Variants in THY1 observed in about 807,000 individuals in gnomAD.
THY1 encodes Thy-1 cell surface antigen, also known as thy-1 membrane glycoprotein.
In THY1, 10 loss-of-function variants were observed where a neutral mutation model predicts 14.9. The ratio of observed to expected loss-of-function variants is 0.67; its 90% confidence interval spans 0.41 to 1.14. The LOEUF is 1.14. Among genes scored for constraint, THY1 ranks in the 50% most tolerant of loss-of-function variants. The probability of loss-of-function intolerance (pLI) is 0.00; values close to 1 mark genes in which losing one functional copy is unlikely to be tolerated. For missense variants in THY1, 159 were observed against 202.1 expected, an observed-to-expected ratio of 0.79 and a Z score of 1.29; for synonymous variants, 80 against 90.0, an observed-to-expected ratio of 0.89 and a Z score of 0.63.
rs1323124885 is a variant in THY1 at position 119,416,353 on chromosome 11, A to G, written c.*3055T>C. Among the ~76,000 whole-genome samples, 2 of 152,214 alleles carry G rather than the reference A, an allele frequency of 1.3e-5. No individual in the cohort carries two copies. Among genetic ancestry groups the G allele is most frequent in the Non-Finnish European group, 2.9e-5 (2 of 68,026 alleles). Reference sequence around the variant, plus strand: ...TCTATAATTACCTGAGTCACCACAGATACCCCACAGCCTCCACAAGGCCTG... The same window carrying G: ...TCTATAATTACCTGAGTCACCACAGGTACCCCACAGCCTCCACAAGGCCTG... On this transcript the variant is annotated 3_prime_UTR_variant, in exon 4 of 4. Coordinates refer to ENST00000284240, the MANE Select transcript of THY1 (RefSeq NM_006288.5).
Position 119,420,148 on chromosome 11 carries a change from G to A in THY1, c.276C>T (p.Ser92=), listed in dbSNP as rs569830486. Residue 92 remains serine, a synonymous_variant, in exon 3 of 4, where the codon TCC becomes TCT. Coordinates refer to ENST00000284240, the MANE Select transcript of THY1 (RefSeq NM_006288.5). ...SKYNMKVLYL[S]AFTSKDEGTY... ...TGCCCTCGTCCTTGCTAGTGAAGGC[G>A]GATAAGTAGAGGACCTTCATGTTGT... The A allele has an allele frequency of 2.1e-5, 34 of 1,614,226 alleles. No homozygotes were observed. Among genetic ancestry groups the A allele is most frequent in the South Asian group, 5.5e-5 (5 of 91,078 alleles).
chr11:119,419,164 C>T lies in THY1; in HGVS notation c.*244G>A. 2 of 532,290 alleles carry T rather than the reference C, an allele frequency of 3.8e-6. No individual in the cohort carries two copies. The highest frequency in any genetic ancestry group is 4.0e-5 in the South Asian group (2 of 50,502). 33.0% of individuals were successfully genotyped at this position (532,290 alleles called of 1,614,324 possible). On this transcript the variant is annotated 3_prime_UTR_variant, in exon 4 of 4. Coordinates refer to ENST00000284240, the MANE Select transcript of THY1 (RefSeq NM_006288.5). ...AAAGGAAGGATAAAACCTAAATAAA[C>T]CAGACAGAAGCAGCTCTGGAACAAA...
upstream of THY1, chr11:119,423,865 A>G (rs1201315393): frequency 2.0e-5 from 3 of 152,802 alleles, no homozygotes; most frequent in Admixed American, 2.0e-4. Context: ...TGGTCCAGAC[A>G]GCTGGAAGGT....
At chr11:119,419,575 T>C in intron 3 of THY1, 55 bp from the exon 4 acceptor site, 1 of 1,459,032 alleles carries the variant, frequency 6.9e-7, no homozygotes, top group Non-Finnish European at 9.6e-7. Context: ...GGATCAGGAC[T>C]CAGGCAGGCA....
upstream of THY1, chr11:119,423,554 T>G (rs192105717): frequency 4.4e-6 from 1 of 227,248 alleles, no homozygotes; most frequent in African/African-American, 2.4e-5. Context: ...AGGTGCAGGA[T>G]GCAGGCCGGG....
At chr11:119,424,140 G>A (rs185404547), upstream of THY1, 28 of 152,476 alleles carry the variant, frequency 1.8e-4, no homozygotes, top group African/African-American at 6.5e-4. Context: ...GGAGAAGAGA[G>A]AGAGGAACTC....
upstream of THY1, among the ~76,000 whole-genome samples, chr11:119,424,286 TTCTC>T (rs1861976210): frequency 1.3e-5 from 2 of 152,220 alleles, no homozygotes. Flanking sequence ...GCTGATGACT[TTCTC>T]TCACTCACAG....
Position 119,420,294 on chromosome 11 carries a change from T to C in THY1, c.130A>G (p.Ser44Gly), listed in dbSNP as rs766110018. 2 of 1,614,246 alleles carry C rather than the reference T, an allele frequency of 1.2e-6. No individual in the cohort carries two copies. Among genetic ancestry groups the C allele is most frequent in the South Asian group, 2.2e-5 (2 of 91,088 alleles). The change falls in exon 3 of 4, where the codon AGC becomes GGC. Residue 44 changes from serine to glycine, a missense_variant. Ser to Gly is a moderately conservative substitution (Grantham distance 56). Coordinates refer to ENST00000284240, the MANE Select transcript of THY1 (RefSeq NM_006288.5). ...AACTCGTACTGGATGGGTGAACTGC[T>C]GGTATTCTCATGGCGGCAGTCCAGA... is the stretch of plus-strand genomic sequence containing the variant. Reference protein sequence around the residue: ...LRLDCRHENTSSSPIQYEFSL... With the variant: ...LRLDCRHENTGSSPIQYEFSL...
rs887272693 is a variant in THY1 at position 119,422,984 on chromosome 11, T to A, written c.-25+129A>T. Reference sequence around the variant, plus strand: ...CGCCCCTGCCTGGAAAGCAGGCCCCTCCCTAAGCTCTGCGCCCTTCTTCCC... The same window carrying A: ...CGCCCCTGCCTGGAAAGCAGGCCCCACCCTAAGCTCTGCGCCCTTCTTCCC... On this transcript the variant is annotated intron_variant, in intron 1 of 3. Coordinates refer to ENST00000284240, the MANE Select transcript of THY1 (RefSeq NM_006288.5). The surrounding 1 kb of genome is among the most constrained non-coding windows in gnomAD (Gnocchi z 7.0). 3 of 450,150 alleles carry A rather than the reference T, an allele frequency of 6.7e-6. No homozygotes were observed. The highest frequency in any genetic ancestry group is 6.1e-5 in the African/African-American group (3 of 49,558). 27.9% of individuals were successfully genotyped at this position (450,150 alleles called of 1,614,324 possible).
At position 119,420,219 on chromosome 11, in the gene THY1, C is replaced by A. The variant is rs1861870879; in HGVS notation, c.205G>T (p.Val69Leu). ...CGGGAGCGGTATGTGTGCTCAGGCA[C>A]CCCCACAGTGCCAAAGAGCACGTGC... ...KKHVLFGTVGVPEHTYRSRTN... is the reference protein window; with the variant it reads ...KKHVLFGTVGLPEHTYRSRTN... Residue 69 changes from valine to leucine, a missense_variant, in exon 3 of 4, where the codon GTG becomes TTG. Physicochemically the swap from Val to Leu is conservative, Grantham distance 32. Transcript: ENST00000284240. 1 of 1,614,122 alleles carries A rather than the reference C, an allele frequency of 6.2e-7. No individual in the cohort carries two copies. Among genetic ancestry groups the A allele is most frequent in the Non-Finnish European group, 8.5e-7 (1 of 1,180,056 alleles).
Position 119,422,092 on chromosome 11 carries a change from G to C in THY1, c.-25+1021C>G, listed in dbSNP as rs1415630083. The C allele has an allele frequency of 6.6e-6, 1 of 152,326 alleles. No homozygotes were observed. Among genetic ancestry groups the C allele is most frequent in the African/African-American group, 2.4e-5 (1 of 41,474 alleles). 9.4% of individuals were successfully genotyped at this position (152,326 alleles called of 1,614,324 possible). The stretch of plus-strand genomic sequence containing the variant: ...GCGCGCAGGGCATTGCCTCGGTTGA[G>C]TGCGCCCGGGTGCGCAGGGCGCACC... On this transcript the variant is annotated intron_variant, in intron 1 of 3. Coordinates refer to ENST00000284240, the MANE Select transcript of THY1 (RefSeq NM_006288.5). This position sits in a 1 kb window ranked among gnomAD's most constrained non-coding sequence, Gnocchi z 7.0.
rs559297060 is a variant in THY1, at chr11:119,420,273, C to T, written c.151G>A (p.Glu51Lys). 5.6e-6 allele frequency: 9 copies of T among 1,614,268 alleles called. No homozygotes were observed. Among genetic ancestry groups the T allele is most frequent in the South Asian group, 3.3e-5 (3 of 91,088 alleles). ...TTTGTCTCACGGGTCAGGCTGAACT[C>T]GTACTGGATGGGTGAACTGCTGGTA... is the stretch of plus-strand genomic sequence containing the variant. ...ENTSSSPIQY[E>K]FSLTRETKKH... The change falls in exon 3 of 4, where the codon GAG becomes AAG. Residue 51 changes from glutamate to lysine, a missense_variant. Glu to Lys is a moderately conservative substitution (Grantham distance 56). Transcript: ENST00000284240.
chr11:119,420,007 C>G lies in THY1; in HGVS notation c.373+44G>C, dbSNP rs752951596. ...AGGGAACTGCCTGCTGTCCCCGAGCCTGGCTCTCCCAGCTCACTTGACCTT... is the reference window on the plus strand; with the variant it reads ...AGGGAACTGCCTGCTGTCCCCGAGCGTGGCTCTCCCAGCTCACTTGACCTT... On this transcript the variant is annotated intron_variant, in intron 3 of 3. Transcript: ENST00000284240. 24 of 1,574,694 alleles carry G rather than the reference C, an allele frequency of 1.5e-5. No individual in the cohort carries two copies. In the Middle Eastern group the frequency reaches 2.7e-3, roughly 179 times the overall value.
At chr11:119,423,867 C>T (rs147545779), upstream of THY1, 1 of 152,920 alleles carries the variant, frequency 6.5e-6, no homozygotes, top group Non-Finnish European at 1.5e-5. Flanking sequence ...GTCCAGACAG[C>T]TGGAAGGTTC....
chr11:119,420,021 T>G, intron 3 of THY1, 30 bp downstream of exon 3: 1 of 1,589,602 alleles, frequency 6.3e-7, no homozygotes, highest in Non-Finnish European at 8.6e-7. Context: ...CTCTCCCAGC[T>G]CACTTGACCT....
rs1591357457 is a variant in THY1, at chr11:119,418,395, G to C, written c.*1013C>G. On this transcript the variant is annotated 3_prime_UTR_variant, in exon 4 of 4. Coordinates refer to ENST00000284240, the MANE Select transcript of THY1 (RefSeq NM_006288.5). Reference sequence around the variant, plus strand: ...AGTCCCTGAGAAGGCAGGCCTGCGGGGCAGGGGGCTGTCTGAGGGGCTCAG... The same window carrying C: ...AGTCCCTGAGAAGGCAGGCCTGCGGCGCAGGGGGCTGTCTGAGGGGCTCAG... The C allele has an allele frequency of 6.6e-6, 1 of 152,320 alleles. No individual in the cohort carries two copies. The highest frequency in any genetic ancestry group is 1.5e-5 in the Non-Finnish European group (1 of 68,114). The allele number at this position is 152,320 out of a possible 1,614,324, so 9.4% of individuals were successfully genotyped here.
At position 119,419,124 on chromosome 11, in the gene THY1, A is replaced by T; in HGVS notation, c.*284T>A. ...GTCCCCAATCCTGGCTTCCCTCTTC[A>T]CGAACTCTCAAAGAAAAGGAAGGAT... On this transcript the variant is annotated 3_prime_UTR_variant, in exon 4 of 4. Coordinates refer to ENST00000284240, the MANE Select transcript of THY1 (RefSeq NM_006288.5). The T allele has an allele frequency of 2.5e-6, 1 of 403,452 alleles. No individual in the cohort carries two copies. 25.0% of individuals were successfully genotyped at this position (403,452 alleles called of 1,614,324 possible).
In THY1 at chr11:119,416,458, A is replaced by G. The variant is rs1861780065; in HGVS notation, c.*2950T>C. On this transcript the variant is annotated 3_prime_UTR_variant, in exon 4 of 4. Transcript: ENST00000284240. ...CGGGCTCCCAGTCCTCAGCATGGTC[A>G]TTCCGGGTAGGTTTATTTTATTTTT... Among the ~76,000 whole-genome samples, 1 of 152,150 alleles carries G rather than the reference A, an allele frequency of 6.6e-6. No homozygotes were observed. The highest frequency in any genetic ancestry group is 6.5e-5 in the Admixed American group (1 of 15,282).
rs1187214079 is a variant in THY1, at chr11:119,419,363, G to C, written c.*45C>G. 6.5e-7 allele frequency: 1 copy of C among 1,544,302 alleles called. No individual in the cohort carries two copies. The highest frequency in any genetic ancestry group is 8.9e-7 in the Non-Finnish European group (1 of 1,121,014). ...GCTGACTCAGAGAAGTAGGATCTCT[G>C]CACTGGAACTTGAGGCTTCCTGTCT... is the stretch of plus-strand genomic sequence containing the variant. On this transcript the variant is annotated 3_prime_UTR_variant, in exon 4 of 4. Transcript: ENST00000284240.
Sources: allele counts gnomAD v4.1 joint callset (sites outside exome capture counted in the v4.1 genomes callset), GRCh38; gene constraint gnomAD v4.1.1; non-coding constraint Gnocchi (gnomAD v3.1); transcripts MANE v1.5; gene names NCBI Gene and HGNC (gene_info 2026-07-23, HGNC 2026-07-21).